The following FOCAD variants were observed in gnomAD, a reference collection of about 807,000 sequenced individuals.
The protein encoded by FOCAD is focadhesin.
A neutral mutation model predicts 225.6 loss-of-function variants in FOCAD; 198 were observed. The ratio of observed to expected loss-of-function variants is 0.88; its 90% confidence interval spans 0.78 to 0.99. The LOEUF is 0.99. FOCAD is among the 50% of genes least tolerant of loss of function. FOCAD has a pLI of 0.00. For synonymous variants in FOCAD, 897 were observed against 755.0 expected, an observed-to-expected ratio of 1.19 and a Z score of -3.08; for missense variants, 2,713 against 2,123.6, an observed-to-expected ratio of 1.28 and a Z score of -5.46.
chr9:20,838,173 G>A (rs550540158), intron 15 of FOCAD, among the ~76,000 whole-genome samples: 2 of 152,138 alleles, frequency 1.3e-5, no homozygotes, highest in South Asian at 4.2e-4. Flanking sequence ...AGAGTTTGTG[G>A]TCTGTACTAT....
At chr9:20,834,006 C>T (rs1281292849) in intron 15 of FOCAD, among the ~76,000 whole-genome samples, 1 of 151,938 alleles carries the variant, frequency 6.6e-6, no homozygotes, top group East Asian at 1.9e-4. Context: ...CCCAAGTAAA[C>T]AAAAACATGT....
chr9:20,864,454 C>A (rs1289575475), intron 16 of FOCAD, among the ~76,000 whole-genome samples: 1 of 151,924 alleles, frequency 6.6e-6, no homozygotes, highest in Non-Finnish European at 1.5e-5. Flanking sequence ...CATATTATTC[C>A]CTCTATCTAA....
chr9:20,759,119 G>A (rs1415646352), intron 6 of FOCAD, among the ~76,000 whole-genome samples: 9 of 152,028 alleles, frequency 5.9e-5, no homozygotes, highest in Non-Finnish European at 1.3e-4. Context: ...AATAAAAGAG[G>A]ATACAAACAA....
chr9:20,781,155 A>C (rs1159848398), intron 9 of FOCAD, among the ~76,000 whole-genome samples: 1 of 152,244 alleles, frequency 6.6e-6, no homozygotes, highest in Non-Finnish European at 1.5e-5. Context: ...GTTATTGTAT[A>C]ACTGTATGTA....
intron 1 of FOCAD, among the ~76,000 whole-genome samples, chr9:20,691,160 C>G (rs938069562): frequency 1.3e-5 from 2 of 152,160 alleles, no homozygotes; most frequent in African/African-American, 2.4e-5. Context: ...CCAGACTGGT[C>G]TTGAACTCCT....
rs1841157107 is a variant in FOCAD, at chr9:20,986,283, T to TTTTTTTTTTTTTTTTTTTTTTTTTA, written c.4729-5_4729-4insTTTTTTTTTTTTTTTTTTTTTTTTA. The TTTTTTTTTTTTTTTTTTTTTTTTTA allele has an allele frequency of 1.4e-6, 2 of 1,476,782 alleles. No individual in the cohort carries two copies. Among genetic ancestry groups the TTTTTTTTTTTTTTTTTTTTTTTTTA allele is most frequent in the African/African-American group, 1.5e-5 (1 of 68,924 alleles). The allele number at this position is 1,476,782 out of a possible 1,614,324, so 91.5% of individuals were successfully genotyped here. ...ACTAAACAATTTTTTTTTTTTTTTT[T>TTTTTTTTTTTTTTTTTTTTTTTTTA]GCAGAGCAACATAGAAAAAGCTGCC... On this transcript the variant is annotated splice_polypyrimidine_tract_variant and splice_region_variant and intron_variant, in intron 39 of 43. Coordinates refer to ENST00000338382, the MANE Select transcript of FOCAD (RefSeq NM_001375567.1).
chr9:20,943,746 C>G (rs1031515808), intron 28 of FOCAD, among the ~76,000 whole-genome samples: 1 of 152,128 alleles, frequency 6.6e-6, no homozygotes, highest in African/African-American at 2.4e-5. Context: ...TGATGAGAGG[C>G]AAGGCAAGCC....
chr9:20,980,681 G>C (rs145829579), intron 37 of FOCAD, among the ~76,000 whole-genome samples: 319 of 152,134 alleles, frequency 2.1e-3, no homozygotes, highest in Non-Finnish European at 3.5e-3. Context: ...AACAAAAATA[G>C]CACACAAAAA....
At chr9:20,665,738 A>G (rs1173741808) in intron 2 of FOCAD, among the ~76,000 whole-genome samples, 1 of 152,108 alleles carries the variant, frequency 6.6e-6, no homozygotes, top group Non-Finnish European at 1.5e-5. Context: ...ATTGAAATAT[A>G]TTATTTTAAT....
At chr9:20,784,556 A>G (rs1819721076) in intron 10 of FOCAD, among the ~76,000 whole-genome samples, 1 of 152,176 alleles carries the variant, frequency 6.6e-6, no homozygotes, top group South Asian at 2.1e-4. Flanking sequence ...AAATTCTTGT[A>G]ATTGTACAGG....
intron 10 of FOCAD, among the ~76,000 whole-genome samples, chr9:20,783,557 C>T (rs1819617027): frequency 6.6e-6 from 1 of 151,664 alleles, no homozygotes. Flanking sequence ...CTCAGCCTCC[C>T]TGAGTCAAGA....
intron 15 of FOCAD, among the ~76,000 whole-genome samples, chr9:20,860,226 A>T (rs1253392464): frequency 6.6e-6 from 1 of 152,106 alleles, no homozygotes. Flanking sequence ...AATTATGGAC[A>T]TGTGTGTTTA....
At chr9:20,829,985 G>A (rs539305977) in intron 15 of FOCAD, among the ~76,000 whole-genome samples, 7 of 152,044 alleles carry the variant, frequency 4.6e-5, no homozygotes, top group Non-Finnish European at 7.4e-5. Flanking sequence ...GACAGGTACC[G>A]TTTTCTTCTG....
At chr9:20,716,453 C>A (rs753083801) in intron 2 of FOCAD, among the ~76,000 whole-genome samples, 1 of 151,956 alleles carries the variant, frequency 6.6e-6, no homozygotes, top group Non-Finnish European at 1.5e-5. Flanking sequence ...TTTAAAAAAT[C>A]AGTTTAGGCT....
chr9:20,862,783 A>G (rs971856806), intron 16 of FOCAD, 71 bp downstream of exon 16: 12 of 1,518,732 alleles, frequency 7.9e-6, no homozygotes, highest in Non-Finnish European at 1.1e-5. Context: ...AACTTTTGGA[A>G]TAAATATTCC....
chr9:20,957,263 T>C (rs1838246726), intron 35 of FOCAD, among the ~76,000 whole-genome samples: 1 of 120,340 alleles, frequency 8.3e-6, no homozygotes, highest in Non-Finnish European at 1.8e-5. Context: ...GGAAACAATG[T>C]TGCCTAGTCT....
chr9:20,919,146 C>T (rs1834142245), intron 24 of FOCAD, among the ~76,000 whole-genome samples: 1 of 152,130 alleles, frequency 6.6e-6, no homozygotes, highest in Non-Finnish European at 1.5e-5. Flanking sequence ...GTGCAAAAAT[C>T]GCAAGCATTC....
rs371481104 is a variant in FOCAD, at chr9:20,995,360, TAA to T, written c.5333-180_5333-179del. On this transcript the variant is annotated intron_variant, in intron 43 of 43. Transcript: ENST00000338382. ...CCCATTAACTGATTGCAGGGTAACT[TAA>T]AAAAAAAAAAAAAAACAACTTTCCC... Among the ~76,000 whole-genome samples, 6 of 52,486 alleles carry T rather than the reference TAA, an allele frequency of 1.1e-4. No individual in the cohort carries two copies. The East Asian group carries it at 4.7e-3, about 41-fold the overall frequency. 34.4% of individuals were successfully genotyped at this position (52,486 alleles called of 152,430 possible). A position where few individuals can be genotyped will look rare whatever the true frequency, so the allele number is the denominator to read the frequency against.
intron 35 of FOCAD, among the ~76,000 whole-genome samples, chr9:20,974,579 G>A (rs1432038841): frequency 4.2e-5 from 6 of 142,278 alleles, no homozygotes; most frequent in Non-Finnish European, 7.6e-5. Flanking sequence ...CCCCATTTTA[G>A]CATCTGCTAA....
Sources: gnomAD v4.1 joint callset for allele counts (sites outside exome capture counted in the v4.1 genomes callset) on GRCh38, gnomAD v4.1.1 for gene constraint, MANE v1.5 for transcripts, NCBI Gene and HGNC (gene_info 2026-07-23, HGNC 2026-07-21) for gene names.